SEPTIN7: variants seen among roughly 807,000 people sequenced by gnomAD.
The protein encoded by SEPTIN7 is septin-7.
A neutral mutation model predicts 63.3 loss-of-function variants in SEPTIN7; 10 were observed. The observed-to-expected ratio is 0.16, with a 90% CI of 0.10 to 0.27. The LOEUF is 0.27. Among genes scored for constraint, SEPTIN7 ranks in the 10% least tolerant of loss-of-function variants. The pLI is 1.00. For synonymous variants in SEPTIN7, 131 were observed against 165.3 expected (o/e 0.79, Z 1.59); for missense variants, 310 against 521.0 (o/e 0.59, Z 3.94).
At chr7:35,831,886 T>C in intron 2 of SEPTIN7, 4 of 295,914 alleles carry the variant, frequency 1.4e-5, no homozygotes, top group South Asian at 1.1e-4. Context: ...TAAATGAGAA[T>C]TTAAATGTGG....
At chr7:35,893,437 A>G (rs1787768604) in intron 11 of SEPTIN7, among the ~76,000 whole-genome samples, 1 of 152,194 alleles carries the variant, frequency 6.6e-6, no homozygotes, top group Non-Finnish European at 1.5e-5. Context: ...AAATACATTC[A>G]TGTGCCACAT....
rs1787923859 is a variant in SEPTIN7, at chr7:35,801,128, T to C, written c.-82T>C. 6 of 1,204,644 alleles carry C rather than the reference T, an allele frequency of 5.0e-6. No individual in the cohort carries two copies. The East Asian group carries it at 1.9e-4, about 38-fold the overall frequency. 74.6% of individuals were successfully genotyped at this position (1,204,644 alleles called of 1,614,324 possible). On this transcript the variant is annotated 5_prime_UTR_variant, in exon 1 of 14. Coordinates refer to ENST00000350320, the MANE Select transcript of SEPTIN7 (RefSeq NM_001788.6). ...AAGCAAGGCAGCTACGCCGGGCGGCTACGCTGCGGAATCGGCGTAGGCGCC... is the reference window on the plus strand; with the variant it reads ...AAGCAAGGCAGCTACGCCGGGCGGCCACGCTGCGGAATCGGCGTAGGCGCC...
At chr7:35,890,917 G>A in intron 11 of SEPTIN7, 124 bp downstream of exon 11, 1 of 768,340 alleles carries the variant, frequency 1.3e-6, no homozygotes, top group African/African-American at 1.8e-5. Context: ...TTTATGCACA[G>A]CAGCATAAAT....
intron 7 of SEPTIN7, among the ~76,000 whole-genome samples, chr7:35,882,109 T>G (rs1468913642): frequency 6.6e-6 from 1 of 152,006 alleles, no homozygotes; most frequent in East Asian, 1.9e-4. Flanking sequence ...ATAAGATACT[T>G]GGGAATTTAT....
intron 1 of SEPTIN7, among the ~76,000 whole-genome samples, chr7:35,805,255 G>C (rs1263300458): frequency 1.3e-5 from 2 of 152,178 alleles, no homozygotes; most frequent in Non-Finnish European, 2.9e-5. Flanking sequence ...GACATCACAG[G>C]TGATATGAAT....
chr7:35,896,042 T>G (rs1015018605), intron 11 of SEPTIN7, among the ~76,000 whole-genome samples: 23 of 152,182 alleles, frequency 1.5e-4, no homozygotes, highest in African/African-American at 5.5e-4. Flanking sequence ...AACTCGTGAC[T>G]TTGTGATCTG....
chr7:35,832,262 G>T (rs1427285846), intron 2 of SEPTIN7: 1 of 319,650 alleles, frequency 3.1e-6, no homozygotes, highest in Middle Eastern at 4.0e-4. Flanking sequence ...TACTGTAGCT[G>T]GTTGACACTG....
intron 1 of SEPTIN7, among the ~76,000 whole-genome samples, chr7:35,811,339 T>G (rs577962174): frequency 3.9e-5 from 6 of 152,204 alleles, no homozygotes; most frequent in Non-Finnish European, 8.8e-5. Flanking sequence ...TTTTAAAGTA[T>G]TTCTAATAAT....
chr7:35,806,471 A>G (rs1350406747), intron 1 of SEPTIN7, among the ~76,000 whole-genome samples: 2 of 152,166 alleles, frequency 1.3e-5, no homozygotes, highest in Admixed American at 6.5e-5. Context: ...TTGATTAGCA[A>G]TCTCTGGGAG....
At chr7:35,880,224 T>TTTTC (rs1786781904) in intron 7 of SEPTIN7, among the ~76,000 whole-genome samples, 1 of 43,908 alleles carries the variant, frequency 2.3e-5, no homozygotes, top group South Asian at 4.4e-4. Context: ...TTTTCTTTTC[T>TTTTC]TTTTTTTTTT....
chr7:35,829,703 C>T (rs540662125), intron 1 of SEPTIN7, among the ~76,000 whole-genome samples: 5 of 152,188 alleles, frequency 3.3e-5, no homozygotes, highest in Admixed American at 6.5e-5. Flanking sequence ...TCAATCTCTG[C>T]GTTGATGGAG....
intron 3 of SEPTIN7, among the ~76,000 whole-genome samples, chr7:35,838,268 CCTTCCTTCCTT>C (rs1784185720): frequency 4.2e-4 from 5 of 11,802 alleles, no homozygotes; most frequent in African/African-American, 1.8e-3. Flanking sequence ...TTCCTTCCTT[CCTTCCTTCCTT>C]CCTTCCTTCC....
intron 3 of SEPTIN7, among the ~76,000 whole-genome samples, chr7:35,848,922 G>A (rs1482637002): frequency 2.0e-5 from 3 of 152,184 alleles, no homozygotes; most frequent in Non-Finnish European, 4.4e-5. Context: ...AGCCTCAGAC[G>A]TGTAGCAAGT....
intron 3 of SEPTIN7, among the ~76,000 whole-genome samples, chr7:35,860,011 G>C (rs1361335907): frequency 6.6e-6 from 1 of 151,252 alleles, no homozygotes; most frequent in East Asian, 1.9e-4. Flanking sequence ...TTGCCATTTT[G>C]TTTTCTGTAT....
intron 3 of SEPTIN7, chr7:35,847,131 G>T: frequency 5.6e-6 from 1 of 178,200 alleles, no homozygotes; most frequent in Non-Finnish European, 1.2e-5. Context: ...GAAGTTGGCC[G>T]TGTCCAGATT....
At chr7:35,835,367 T>A (rs1018189242) in intron 3 of SEPTIN7, among the ~76,000 whole-genome samples, 1 of 152,172 alleles carries the variant, frequency 6.6e-6, no homozygotes, top group African/African-American at 2.4e-5. Context: ...CCAGGTAATG[T>A]TTTCAGTACT....
At chr7:35,840,833 G>A (rs1784374283) in intron 3 of SEPTIN7, among the ~76,000 whole-genome samples, 1 of 152,086 alleles carries the variant, frequency 6.6e-6, no homozygotes. Context: ...TAAGAAATGT[G>A]TAAACCAAAT....
chr7:35,878,569 G>A (rs777268468), intron 6 of SEPTIN7, among the ~76,000 whole-genome samples: 3 of 152,120 alleles, frequency 2.0e-5, no homozygotes, highest in Non-Finnish European at 4.4e-5. Flanking sequence ...CTTCAGTATG[G>A]ATGATTCATG....
intron 12 of SEPTIN7, chr7:35,899,933 TAAAAC>T (rs1338787847): frequency 6.6e-6 from 1 of 152,156 alleles, no homozygotes; most frequent in Non-Finnish European, 1.5e-5. Flanking sequence ...AAAATAGTTT[TAAAAC>T]AATCTTTAAT....
Sources: allele counts gnomAD v4.1 joint callset (sites outside exome capture counted in the v4.1 genomes callset), GRCh38; gene constraint gnomAD v4.1.1; transcripts MANE v1.5; gene names NCBI Gene and HGNC (gene_info 2026-07-23, HGNC 2026-07-21).